Variants in SLC12A5 observed in about 807,000 individuals in gnomAD.
SLC12A5 encodes solute carrier family 12 member 5.
SLC12A5 carries 18 observed loss-of-function variants against 124.0 expected under a neutral mutation model. That is an observed-to-expected ratio of 0.15 (90% CI 0.10 to 0.22). The LOEUF is 0.22. SLC12A5 is among the 10% of genes least tolerant of loss of function. The pLI is 1.00. For synonymous variants in SLC12A5, 589 were observed against 568.0 expected (o/e 1.04, Z -0.53); for missense variants, 867 against 1,478.7 (o/e 0.59, Z 6.78).
Position 46,053,229 on chromosome 20 carries a change from C to A in SLC12A5, c.2547+103C>A. On this transcript the variant is annotated intron_variant, in intron 19 of 25. Transcript: ENST00000243964. This position sits in a 1 kb window ranked among gnomAD's most constrained non-coding sequence, Gnocchi z 4.7. ...GCAGGTCAGACTCAGGGGCTCTGGC[C>A]AGGGTCAGCTTCCGTGTCCTTCCTC... The A allele has an allele frequency of 7.6e-7, 1 of 1,311,640 alleles. No individual in the cohort carries two copies. The highest frequency in any genetic ancestry group is 1.4e-5 in the South Asian group (1 of 69,644). 81.3% of individuals were successfully genotyped at this position (1,311,640 alleles called of 1,614,324 possible). A position where few individuals can be genotyped will look rare whatever the true frequency, so the allele number is the denominator to read the frequency against.
intron 17 of SLC12A5, among the ~76,000 whole-genome samples, chr20:46,051,039 T>A (rs2049214146): frequency 6.6e-6 from 1 of 152,114 alleles, no homozygotes; most frequent in Admixed American, 6.5e-5. Flanking sequence ...TCTATCTGTT[T>A]GACTTAGGGG....
At chr20:46,038,857 A>G (rs550095194) in intron 6 of SLC12A5, among the ~76,000 whole-genome samples, 55 of 152,364 alleles carry the variant, frequency 3.6e-4, no homozygotes, top group African/African-American at 1.3e-3. Flanking sequence ...AATTAGTGTC[A>G]CGGCAGGATG....
At chr20:46,030,765 G>T (rs943360250) in intron 1 of SLC12A5, among the ~76,000 whole-genome samples, 1 of 151,466 alleles carries the variant, frequency 6.6e-6, no homozygotes, top group African/African-American at 2.4e-5. Flanking sequence ...GCTTGGAAAG[G>T]CTGGGGACAC....
At chr20:46,028,283 C>A (rs1013406874), upstream of SLC12A5, among the ~76,000 whole-genome samples, 21 of 152,226 alleles carry the variant, frequency 1.4e-4, no homozygotes, top group African/African-American at 3.9e-4. Context: ...CGCCCTCCCC[C>A]ACTCTGTCCC....
At position 46,058,466 on chromosome 20, in the gene SLC12A5, C is replaced by A. The variant is rs2084717480; in HGVS notation, c.*861C>A. On this transcript the variant is annotated 3_prime_UTR_variant, in exon 26 of 26. Coordinates refer to ENST00000243964, the MANE Select transcript of SLC12A5 (RefSeq NM_020708.5). The surrounding 1 kb of genome is among the most constrained non-coding windows in gnomAD (Gnocchi z 5.8). ...TTCGCCTCCCAGCGGACGTGAGCTT[C>A]CACTGCGGCTGCAGAGACGCGAGCA... 1 of 399,112 alleles carries A rather than the reference C, an allele frequency of 2.5e-6. No individual in the cohort carries two copies. Among genetic ancestry groups the A allele is most frequent in the African/African-American group, 2.1e-5 (1 of 48,648 alleles). The allele number at this position is 399,112 out of a possible 1,614,324, so 24.7% of individuals were successfully genotyped here.
intron 1 of SLC12A5, among the ~76,000 whole-genome samples, chr20:46,029,752 G>A (rs999770134): frequency 2.0e-5 from 3 of 152,158 alleles, no homozygotes; most frequent in Non-Finnish European, 2.9e-5. Flanking sequence ...CCCGACAGGG[G>A]ACCCCGGCGT....
In SLC12A5 at chr20:46,057,719, C is replaced by T. The variant is rs532098538; in HGVS notation, c.*114C>T. ...TACAGACCCTGTGCCCGTGTCCTGG[C>T]CCCTTACCCCGCTGCCTGAAGCCCG... is the stretch of plus-strand genomic sequence containing the variant. On this transcript the variant is annotated 3_prime_UTR_variant, in exon 26 of 26. Coordinates refer to ENST00000243964, the MANE Select transcript of SLC12A5 (RefSeq NM_020708.5). This position sits in a 1 kb window ranked among gnomAD's most constrained non-coding sequence, Gnocchi z 7.1. The T allele has an allele frequency of 5.0e-5, 40 of 798,016 alleles. No individual in the cohort carries two copies. The East Asian group carries it at 1.1e-3, about 22-fold the overall frequency. 49.4% of individuals were successfully genotyped at this position (798,016 alleles called of 1,614,324 possible). A position where few individuals can be genotyped will look rare whatever the true frequency, so the allele number is the denominator to read the frequency against.
At chr20:46,029,876 GTGTGTGTGTGTGTGCGCGCGCGTGCGTA>G (rs1303653544) in intron 1 of SLC12A5, among the ~76,000 whole-genome samples, 1 of 52,390 alleles carries the variant, frequency 1.9e-5, no homozygotes, top group African/African-American at 7.4e-5. Context: ...GTGTGTGTGT[GTGTGTGTGTGTGTGCGCGCGCGTGCGTA>G]TGTGTGTGTG....
At chr20:46,040,274 G>A in intron 6 of SLC12A5, 99 bp from the exon 7 acceptor site, 1 of 1,532,716 alleles carries the variant, frequency 6.5e-7, no homozygotes, top group South Asian at 1.2e-5. Context: ...TGGTACCACT[G>A]TGACTGTGCT....
In SLC12A5 at chr20:46,053,199, C is replaced by CACA; in HGVS notation, c.2547+74_2547+75insCAA. ...GTATGCATTTGTGTGCATATGTGCA[C>CACA]AACTGCAGGTCAGACTCAGGGGCTC... On this transcript the variant is annotated intron_variant, in intron 19 of 25. Transcript: ENST00000243964. The surrounding 1 kb of genome is among the most constrained non-coding windows in gnomAD (Gnocchi z 4.7). The CACA allele has an allele frequency of 1.3e-6, 2 of 1,500,060 alleles. No individual in the cohort carries two copies. Among genetic ancestry groups the CACA allele is most frequent in the Non-Finnish European group, 1.8e-6 (2 of 1,101,718 alleles). 92.9% of individuals were successfully genotyped at this position (1,500,060 alleles called of 1,614,324 possible).
At chr20:46,040,221 C>A in intron 6 of SLC12A5, 152 bp from the exon 7 acceptor site, 1 of 1,162,262 alleles carries the variant, frequency 8.6e-7, no homozygotes, top group South Asian at 1.4e-5. Context: ...ACAGGCCATG[C>A]CTTCTTTAGC....
Position 46,046,379 on chromosome 20 carries a change from C to T in SLC12A5, c.1730C>T (p.Ala577Val). Residue 577 changes from alanine (A) to valine (V), a missense_variant, in exon 14 of 26, where the codon GCA (alanine) becomes GTA (valine). By Grantham distance (64) the Ala-to-Val change is moderately conservative. This residue lies in a region of SLC12A5 where 152 missense variants were observed against 358.7 expected (regional missense o/e 0.42). Coordinates refer to ENST00000243964, the MANE Select transcript of SLC12A5 (RefSeq NM_020708.5). ...MCYMFVNLAC[A>V]VQTLLRTPNW... is the part of the protein sequence containing the mutation. ...TACATGTTTGTGAATCTGGCCTGTG[C>T]AGTGCAGACGCTGCTGAGGACACCC... 6.2e-7 allele frequency: 1 copy of T among 1,614,180 alleles called. No homozygotes were observed. The highest frequency in any genetic ancestry group is 1.1e-5 in the South Asian group (1 of 91,086).
At position 46,046,434 on chromosome 20, in the gene SLC12A5, C is replaced by T. The variant is rs1364638744; in HGVS notation, c.1785C>T (p.His595=). ...GGAGGCCACGCTTTCGATATTACCA[C>T]TGGTGGGTGCTCTGTCCCCACACTT... ...PNWRPRFRYY[H]WTLSFLGMSL... is the part of the protein sequence containing the mutation. The change falls in exon 14 of 26, where the codon CAC becomes CAT. Residue 595 remains histidine, a splice_region_variant and synonymous_variant. Coordinates refer to ENST00000243964, the MANE Select transcript of SLC12A5 (RefSeq NM_020708.5). The T allele has an allele frequency of 3.1e-6, 5 of 1,614,050 alleles. No individual in the cohort carries two copies. The Admixed American group carries it at 8.3e-5, about 27-fold the overall frequency.
intron 17 of SLC12A5, among the ~76,000 whole-genome samples, chr20:46,050,301 G>A (rs1313809436): frequency 6.6e-6 from 1 of 152,286 alleles, no homozygotes; most frequent in Admixed American, 6.5e-5. Context: ...AGCAACATCA[G>A]GATTTGAACT....
chr20:46,059,001 G>T lies in SLC12A5; in HGVS notation c.*1396G>T. ...TCTGCTCTCCTCTAACTAGGACCCAGGGCCTTTGGCTTCCCCAGCTCATCC... is the reference window on the plus strand; with the variant it reads ...TCTGCTCTCCTCTAACTAGGACCCATGGCCTTTGGCTTCCCCAGCTCATCC... On this transcript the variant is annotated 3_prime_UTR_variant, in exon 26 of 26. Transcript: ENST00000243964. The T allele has an allele frequency of 2.9e-6, 1 of 345,058 alleles. No homozygotes were observed. Among genetic ancestry groups the T allele is most frequent in the Non-Finnish European group, 5.2e-6 (1 of 193,318 alleles). The allele number at this position is 345,058 out of a possible 1,614,324, so 21.4% of individuals were successfully genotyped here. A position where few individuals can be genotyped will look rare whatever the true frequency, so the allele number is the denominator to read the frequency against.
intron 14 of SLC12A5, 40 bp from the exon 15 acceptor site, chr20:46,047,414 C>T (rs772069631): frequency 6.2e-7 from 1 of 1,606,924 alleles, no homozygotes; most frequent in South Asian, 1.1e-5. Context: ...AGCAACAGCC[C>T]TGCTGGGGCT....
intron 9 of SLC12A5, 98 bp from the exon 10 acceptor site, chr20:46,043,535 T>A: frequency 7.5e-7 from 1 of 1,329,348 alleles, no homozygotes; most frequent in Non-Finnish European, 1.1e-6. Flanking sequence ...TAGGACTAGA[T>A]CCCAGACTCA....
upstream of SLC12A5, among the ~76,000 whole-genome samples, chr20:46,024,649 T>C (rs1356308424): frequency 6.6e-6 from 1 of 152,202 alleles, no homozygotes; most frequent in Non-Finnish European, 1.5e-5. Flanking sequence ...GGTTTGCCAC[T>C]TGGGGGGCTT....
Position 46,058,229 on chromosome 20 carries a change from G to A in SLC12A5, c.*624G>A. 2.7e-6 allele frequency: 1 copy of A among 377,288 alleles called. No individual in the cohort carries two copies. Among genetic ancestry groups the A allele is most frequent in the East Asian group, 3.8e-5 (1 of 26,084 alleles). 23.4% of individuals were successfully genotyped at this position (377,288 alleles called of 1,614,324 possible). A position where few individuals can be genotyped will look rare whatever the true frequency, so the allele number is the denominator to read the frequency against. The stretch of plus-strand genomic sequence containing the variant: ...AGCTCTCCCGCTGGGGGCACTGCGG[G>A]GAGGCGAGGCCTCGGGAAGCTGAAT... On this transcript the variant is annotated 3_prime_UTR_variant, in exon 26 of 26. Coordinates refer to ENST00000243964, the MANE Select transcript of SLC12A5 (RefSeq NM_020708.5). This position sits in a 1 kb window ranked among gnomAD's most constrained non-coding sequence, Gnocchi z 5.8.
Sources: allele counts gnomAD v4.1 joint callset (sites outside exome capture counted in the v4.1 genomes callset), GRCh38; gene constraint gnomAD v4.1.1; regional missense constraint gnomAD v4.1.1; non-coding constraint Gnocchi (gnomAD v3.1); transcripts MANE v1.5; gene names NCBI Gene and HGNC (gene_info 2026-07-23, HGNC 2026-07-21).